The following DLGAP1 variants were observed in gnomAD, a reference collection of about 807,000 sequenced individuals.
The protein encoded by DLGAP1 is disks large-associated protein 1.
Under a neutral mutation model 90.8 loss-of-function variants are expected in DLGAP1, and 11 were observed. The observed-to-expected ratio is 0.12, with a 90% CI of 0.08 to 0.20. The LOEUF (loss-of-function observed/expected upper bound fraction) is 0.20, where lower values mean the gene tolerates loss of function less well. DLGAP1 is among the 10% of genes least tolerant of loss of function. The probability of loss-of-function intolerance (pLI) is 1.00; values close to 1 mark genes in which losing one functional copy is unlikely to be tolerated. For missense variants in DLGAP1, 1,050 were observed against 1,333.8 expected (o/e 0.79, Z 3.31); for synonymous variants, 558 against 540.7 (o/e 1.03, Z -0.44).
chr18:3,783,857 A>G (rs7245297), intron 5 of DLGAP1, among the ~76,000 whole-genome samples: 125,280 of 152,192 alleles, frequency 0.82, 52,004 homozygotes, highest in East Asian at 1. Context: ...TTCCCTTTCT[A>G]TGGATGCCAC....
chr18:4,331,650 G>A (rs1313511558), intron 1 of DLGAP1, among the ~76,000 whole-genome samples: 2 of 151,748 alleles, frequency 1.3e-5, no homozygotes, highest in East Asian at 3.9e-4. Flanking sequence ...AGAAGCCCTA[G>A]ATGACTGGCG....
intron 7 of DLGAP1, among the ~76,000 whole-genome samples, chr18:3,726,260 T>A (rs1008081387): frequency 2.0e-5 from 3 of 152,202 alleles, no homozygotes; most frequent in African/African-American, 7.2e-5. Context: ...AGCAAAGTCA[T>A]TTCTCAATTT....
At chr18:3,996,624 T>C (rs945470823) in intron 3 of DLGAP1, among the ~76,000 whole-genome samples, 4 of 152,052 alleles carry the variant, frequency 2.6e-5, no homozygotes, top group African/African-American at 9.7e-5. Flanking sequence ...TTGAAATTTA[T>C]ATTTAGATAT....
intron 5 of DLGAP1, among the ~76,000 whole-genome samples, chr18:3,759,681 T>G (rs533426741): frequency 6.6e-6 from 1 of 152,354 alleles, no homozygotes; most frequent in African/African-American, 2.4e-5. Context: ...ATCTCCAGGT[T>G]AAGATGAACA....
At chr18:4,260,609 G>A (rs1459011444) in intron 1 of DLGAP1, among the ~76,000 whole-genome samples, 1 of 151,856 alleles carries the variant, frequency 6.6e-6, no homozygotes, top group Non-Finnish European at 1.5e-5. Context: ...TGGCTAAATT[G>A]CTTTTATTAT....
At chr18:3,538,858 G>A (rs1407695298) in intron 9 of DLGAP1, among the ~76,000 whole-genome samples, 3 of 152,168 alleles carry the variant, frequency 2.0e-5, no homozygotes, top group Admixed American at 6.5e-5. Context: ...ACACAGAACT[G>A]TACTACCCGC....
intron 1 of DLGAP1, among the ~76,000 whole-genome samples, chr18:4,277,158 T>C (rs1481457984): frequency 1.3e-5 from 2 of 152,210 alleles, no homozygotes; most frequent in Non-Finnish European, 2.9e-5. Context: ...ACACGTGATA[T>C]AGACGACTGT....
intron 2 of DLGAP1, among the ~76,000 whole-genome samples, chr18:4,040,286 T>C (rs995816228): frequency 1.3e-5 from 2 of 152,228 alleles, no homozygotes; most frequent in Non-Finnish European, 2.9e-5. Flanking sequence ...AGTTAATATA[T>C]GTAAACAGCT....
chr18:3,879,785 T>C lies in DLGAP1; in HGVS notation c.284A>G (p.Lys95Arg). Residue 95 changes from lysine to arginine, a missense_variant, in exon 4 of 13, where the codon AAG becomes AGG. Lys to Arg is a conservative substitution (Grantham distance 26). Around this residue, in one of 2 missense-constraint regions of DLGAP1, gnomAD observed 485 missense variants for 454.1 expected, o/e 1.07. Transcript: ENST00000315677. The surrounding 1 kb of genome is among the most constrained non-coding windows in gnomAD (Gnocchi z 6.6). ...CAGGTTGGCGGGGATGCGGTTCGCC[T>C]TGGTGGCCAGGGTGCGGGGCACCAG... is the stretch of plus-strand genomic sequence containing the variant. ...CALVPRTLAT[K>R]ANRIPANLLD... is the part of the protein sequence containing the mutation. 1.2e-6 allele frequency: 2 copies of C among 1,607,424 alleles called. No individual in the cohort carries two copies. The highest frequency in any genetic ancestry group is 1.7e-6 in the Non-Finnish European group (2 of 1,179,892).
At chr18:3,594,603 C>T (rs1436371642) in intron 7 of DLGAP1, 1 of 152,118 alleles carries the variant, frequency 6.6e-6, no homozygotes, top group African/African-American at 2.4e-5. Flanking sequence ...TTAACAAAAA[C>T]TTCACCTTAG....
rs1568277692 is a variant in DLGAP1, at chr18:3,600,749, T to TATAGATATATATAG, written c.1592-18502_1592-18501insCTATATATATCTAT. 5.7e-3 allele frequency among the ~76,000 whole-genome samples: 73 copies of TATAGATATATATAG among 12,894 alleles called. 16 individuals carry two copies. Among genetic ancestry groups the TATAGATATATATAG allele is most frequent in the African/African-American group, 0.01 (31 of 2,996 alleles). The allele number at this position is 12,894 out of a possible 152,430, so 8.5% of individuals were successfully genotyped here. ...ATATAGATATATATAGATATATAGA[T>TATAGATATATATAG]ATATATAGATATATAGATATATATA... On this transcript the variant is annotated intron_variant, in intron 7 of 12. Coordinates refer to ENST00000315677, the MANE Select transcript of DLGAP1 (RefSeq NM_004746.4).
chr18:4,275,994 T>C (rs573932664), intron 1 of DLGAP1, among the ~76,000 whole-genome samples: 2 of 151,816 alleles, frequency 1.3e-5, no homozygotes, highest in East Asian at 3.9e-4. Flanking sequence ...AACATGCAAA[T>C]ATTCTGTGGC....
chr18:4,292,257 C>T (rs1446992661), intron 1 of DLGAP1, among the ~76,000 whole-genome samples: 1 of 152,034 alleles, frequency 6.6e-6, no homozygotes, highest in Non-Finnish European at 1.5e-5. Flanking sequence ...AAAAAAATTC[C>T]ACTTTATCAT....
intron 7 of DLGAP1, among the ~76,000 whole-genome samples, chr18:3,647,030 T>C (rs1467008138): frequency 6.6e-6 from 1 of 151,990 alleles, no homozygotes; most frequent in Non-Finnish European, 1.5e-5. Flanking sequence ...GGGTGGATCA[T>C]CTGAGGTCAG....
chr18:4,296,886 C>T (rs1481257769), intron 1 of DLGAP1, among the ~76,000 whole-genome samples: 1 of 152,164 alleles, frequency 6.6e-6, no homozygotes, highest in African/African-American at 2.4e-5. Flanking sequence ...ACTTTCTGAG[C>T]AGGCAATGGA....
At chr18:3,856,109 G>C (rs1432463943) in intron 4 of DLGAP1, among the ~76,000 whole-genome samples, 1 of 152,242 alleles carries the variant, frequency 6.6e-6, no homozygotes, top group South Asian at 2.1e-4. Flanking sequence ...TGTTTTGCAT[G>C]ACTGTTGGCC....
chr18:3,994,791 T>C (rs957192350), intron 3 of DLGAP1, among the ~76,000 whole-genome samples: 1 of 152,202 alleles, frequency 6.6e-6, no homozygotes, highest in Admixed American at 6.5e-5. Flanking sequence ...CTAAATAATG[T>C]CAACTCTCTA....
intron 3 of DLGAP1, among the ~76,000 whole-genome samples, chr18:3,993,753 C>T (rs893240434): frequency 6.6e-6 from 1 of 152,114 alleles, no homozygotes; most frequent in Non-Finnish European, 1.5e-5. Flanking sequence ...TTTCCCTTCT[C>T]ATGGGATCAC....
intron 10 of DLGAP1, among the ~76,000 whole-genome samples, chr18:3,529,027 T>A (rs550442192): frequency 6.6e-6 from 1 of 152,208 alleles, no homozygotes. Flanking sequence ...CTTGTCCTGA[T>A]CAGAAGAGCT....
Sources: allele counts gnomAD v4.1 joint callset (sites outside exome capture counted in the v4.1 genomes callset), GRCh38; gene constraint gnomAD v4.1.1; regional missense constraint gnomAD v4.1.1; non-coding constraint Gnocchi (gnomAD v3.1); transcripts MANE v1.5; gene names NCBI Gene and HGNC (gene_info 2026-07-23, HGNC 2026-07-21).